The following TMEM181 variants were observed in gnomAD, a reference collection of about 807,000 sequenced individuals.
The protein encoded by TMEM181 is transmembrane protein 181, also known as G protein-coupled receptor 178.
TMEM181 carries 39 observed loss-of-function variants against 71.9 expected under a neutral mutation model. That is an observed-to-expected ratio of 0.54 (90% CI 0.42 to 0.71). The LOEUF (loss-of-function observed/expected upper bound fraction) is 0.71. Among genes scored for constraint, TMEM181 ranks in the 30% least tolerant of loss-of-function variants. The pLI, the probability that TMEM181 is intolerant of heterozygous loss-of-function variation, is 0.00. For synonymous variants in TMEM181, 245 were observed against 228.8 expected, an observed-to-expected ratio of 1.07 and a Z score of -0.64; for missense variants, 595 against 583.0, an observed-to-expected ratio of 1.02 and a Z score of -0.21.
At chr6:158,624,342 A>C (rs1435338109) in intron 11 of TMEM181, among the ~76,000 whole-genome samples, 1 of 152,156 alleles carries the variant, frequency 6.6e-6, no homozygotes, top group Non-Finnish European at 1.5e-5. Context: ...CTTTTGAGAA[A>C]AATGATCCCG....
At chr6:158,591,424 C>T (rs1461302835) in intron 6 of TMEM181, among the ~76,000 whole-genome samples, 2 of 152,076 alleles carry the variant, frequency 1.3e-5, no homozygotes, top group Non-Finnish European at 2.9e-5. Flanking sequence ...TTCCTTTCAG[C>T]CCTTTGCCTC....
chr6:158,632,450 G>A lies in TMEM181; in HGVS notation c.*562G>A, dbSNP rs148450060. On this transcript the variant is annotated 3_prime_UTR_variant, in exon 17 of 17. Coordinates refer to ENST00000684151, the MANE Select transcript of TMEM181 (RefSeq NM_001376852.1). The stretch of plus-strand genomic sequence containing the variant: ...GTGGACTGCGTTTTGTGCAGTGTGT[G>A]AGTTATGACTCATCGGGAATGGGAG... The A allele has an allele frequency of 1.2e-3, 189 of 154,076 alleles. 2 individuals carry two copies. Among genetic ancestry groups the A allele is most frequent in the Non-Finnish European group, 2.3e-3 (158 of 69,088 alleles). The allele number at this position is 154,076 out of a possible 1,614,324, so 9.5% of individuals were successfully genotyped here. A position where few individuals can be genotyped will look rare whatever the true frequency, so the allele number is the denominator to read the frequency against.
At position 158,632,029 on chromosome 6, in the gene TMEM181, A is replaced by T. The variant is rs1463795945; in HGVS notation, c.*141A>T. ...TTGTTTACATATTTTTTTAAAGGAA[A>T]ACCAAAACTGAGGGTAAATTTAAAT... On this transcript the variant is annotated 3_prime_UTR_variant, in exon 17 of 17. Coordinates refer to ENST00000684151, the MANE Select transcript of TMEM181 (RefSeq NM_001376852.1). 4.9e-6 allele frequency: 4 copies of T among 817,762 alleles called. No individual in the cohort carries two copies. The Admixed American group carries it at 8.5e-5, about 17-fold the overall frequency. The allele number at this position is 817,762 out of a possible 1,614,324, so 50.7% of individuals were successfully genotyped here.
chr6:158,542,127 G>A lies in TMEM181; in HGVS notation c.131+5262G>A, dbSNP rs867930180. ...TCATCATGATGCCCAGGCTGGTCTCGAACCCCTGACCTCAAGCGATCCGCC... is the reference window on the plus strand; with the variant it reads ...TCATCATGATGCCCAGGCTGGTCTCAAACCCCTGACCTCAAGCGATCCGCC... On this transcript the variant is annotated intron_variant, in intron 1 of 16. Coordinates refer to the TMEM181 transcript ENST00000367090. 2.6e-5 allele frequency among the ~76,000 whole-genome samples: 4 copies of A among 151,794 alleles called. No homozygotes were observed. In the East Asian group the frequency reaches 5.8e-4, roughly 22 times the overall value.
intron 10 of TMEM181, among the ~76,000 whole-genome samples, chr6:158,616,303 A>G (rs1785610583): frequency 6.6e-6 from 1 of 152,154 alleles, no homozygotes; most frequent in African/African-American, 2.4e-5. Context: ...ATTGGTGTAT[A>G]GGAATGTTTG....
chr6:158,585,183 A>G lies in TMEM181; in HGVS notation c.260-121A>G, dbSNP rs768125956. On this transcript the variant is annotated intron_variant, in intron 4 of 16. Coordinates refer to ENST00000684151, the MANE Select transcript of TMEM181 (RefSeq NM_001376852.1). Reference sequence around the variant, plus strand: ...GAGATTTTCAAATGTGCTGAGGCCAATGTGGCCTAAGGACCTTAAGCGTTT... The same window carrying G: ...GAGATTTTCAAATGTGCTGAGGCCAGTGTGGCCTAAGGACCTTAAGCGTTT... 1.4e-5 allele frequency: 15 copies of G among 1,052,508 alleles called. No homozygotes were observed. The Admixed American group carries it at 1.7e-4, about 12-fold the overall frequency. 65.2% of individuals were successfully genotyped at this position (1,052,508 alleles called of 1,614,324 possible).
intron 5 of TMEM181, among the ~76,000 whole-genome samples, chr6:158,587,235 C>T (rs1043773715): frequency 1.3e-5 from 2 of 152,200 alleles, no homozygotes; most frequent in Non-Finnish European, 2.9e-5. Context: ...GCCAGGCTGC[C>T]AGGGTACTGG....
intron 2 of TMEM181, among the ~76,000 whole-genome samples, chr6:158,577,061 CAAAA>C (rs5881280): frequency 2.6e-5 from 2 of 76,058 alleles, no homozygotes; most frequent in Admixed American, 1.5e-4. Flanking sequence ...GACTCCATCT[CAAAA>C]AAAAAAAAAA....
intron 5 of TMEM181, among the ~76,000 whole-genome samples, chr6:158,588,691 G>T (rs1041315922): frequency 3.3e-5 from 5 of 152,120 alleles, no homozygotes; most frequent in Admixed American, 6.6e-5. Context: ...CAAGTGATCC[G>T]CCTGCCTTGG....
At chr6:158,564,794 G>A (rs530188350) in intron 1 of TMEM181, among the ~76,000 whole-genome samples, 12 of 152,306 alleles carry the variant, frequency 7.9e-5, no homozygotes, top group South Asian at 2.1e-4. Context: ...GCAACAGGCC[G>A]GCATTTTGGG....
chr6:158,541,201 A>G (rs1257041490), intron 1 of TMEM181, among the ~76,000 whole-genome samples: 1 of 152,070 alleles, frequency 6.6e-6, no homozygotes, highest in East Asian at 1.9e-4. Flanking sequence ...GGATCACTTG[A>G]GGTCAGGAGT....
upstream of TMEM181, among the ~76,000 whole-genome samples, chr6:158,555,243 A>G (rs572426463): frequency 7.5e-4 from 114 of 152,322 alleles, no homozygotes; most frequent in Admixed American, 1.5e-3. Context: ...AGACAGAGAC[A>G]CCTTATATTA....
At position 158,631,846 on chromosome 6, in the gene TMEM181, G is replaced by C; in HGVS notation, c.1386G>C (p.Gln462His). 1.9e-6 allele frequency: 3 copies of C among 1,599,964 alleles called. No individual in the cohort carries two copies. Among genetic ancestry groups the C allele is most frequent in the Non-Finnish European group, 2.6e-6 (3 of 1,172,952 alleles). The change falls in exon 17 of 17, where the codon CAG (glutamine) becomes CAC (histidine). Residue 462 changes from glutamine to histidine, a missense_variant. Coordinates refer to ENST00000684151, the MANE Select transcript of TMEM181 (RefSeq NM_001376852.1). ...AGGAAATGCCGCTGCAGAACGGCCA[G>C]GCCATCCGGGCCAAGTACAAGGAGG... ...DYEEMPLQNG[Q>H]AIRAKYKEES...
At chr6:158,565,703 C>T (rs113329885) in intron 1 of TMEM181, among the ~76,000 whole-genome samples, 1 of 152,220 alleles carries the variant, frequency 6.6e-6, no homozygotes. Context: ...AGGCTCAGTG[C>T]TGGCCTCTGG....
chr6:158,589,421 T>C (rs1438559169), intron 5 of TMEM181, among the ~76,000 whole-genome samples: 1 of 152,236 alleles, frequency 6.6e-6, no homozygotes, highest in Admixed American at 6.5e-5. Context: ...CGGTGACTTA[T>C]TTTCAGTCAT....
intron 2 of TMEM181, among the ~76,000 whole-genome samples, chr6:158,576,139 T>C (rs541745216): frequency 1.3e-5 from 2 of 152,292 alleles, no homozygotes; most frequent in African/African-American, 4.8e-5. Flanking sequence ...CCAGAGTCTG[T>C]TGAAGGCTTG....
intron 4 of TMEM181, among the ~76,000 whole-genome samples, 190 bp from the exon 5 acceptor site, chr6:158,585,114 G>A (rs1454201454): frequency 6.6e-6 from 1 of 152,164 alleles, no homozygotes; most frequent in East Asian, 1.9e-4. Context: ...CTGGGTGCTG[G>A]GTTGGAATCT....
At chr6:158,538,124 G>A (rs537528147) in intron 1 of TMEM181, among the ~76,000 whole-genome samples, 3 of 144,710 alleles carry the variant, frequency 2.1e-5, no homozygotes, top group Admixed American at 6.9e-5. Context: ...CTAGTCCCCC[G>A]TCCCCCGCCC....
Position 158,582,103 on chromosome 6 carries a change from T to C in TMEM181, c.168+1108T>C, listed in dbSNP as rs1237663251. On this transcript the variant is annotated intron_variant, in intron 3 of 16. Coordinates refer to ENST00000684151, the MANE Select transcript of TMEM181 (RefSeq NM_001376852.1). ...TACACCATTTGATTTTTCTCTTTGCTACTGCTAGTTTGAAAGGGCCCTCTG... is the reference window on the plus strand; with the variant it reads ...TACACCATTTGATTTTTCTCTTTGCCACTGCTAGTTTGAAAGGGCCCTCTG... 2.0e-5 allele frequency among the ~76,000 whole-genome samples: 3 copies of C among 152,218 alleles called. No individual in the cohort carries two copies. In the East Asian group the frequency reaches 5.8e-4, roughly 29 times the overall value.
Sources: gnomAD v4.1 joint callset for allele counts (sites outside exome capture counted in the v4.1 genomes callset) on GRCh38, gnomAD v4.1.1 for gene constraint, MANE v1.5 for transcripts, NCBI Gene and HGNC (gene_info 2026-07-23, HGNC 2026-07-21) for gene names.